The following PTBP3 variants were observed in gnomAD, a reference collection of about 807,000 sequenced individuals.
PTBP3 encodes polypyrimidine tract-binding protein 3.
Under a neutral mutation model 58.7 loss-of-function variants are expected in PTBP3, and 20 were observed. The observed-to-expected ratio is 0.34, with a 90% CI of 0.24 to 0.50. PTBP3 has a LOEUF of 0.50. Ranked by LOEUF, PTBP3 falls within the 20% of genes least tolerant of loss-of-function variation. The pLI, the probability that PTBP3 is intolerant of heterozygous loss-of-function variation, is 0.98. For synonymous variants in PTBP3, 185 were observed against 219.8 expected (o/e 0.84, Z 1.40); for missense variants, 509 against 637.2 (o/e 0.80, Z 2.17).
At chr9:112,314,595 G>A (rs970844129) in intron 1 of PTBP3, among the ~76,000 whole-genome samples, 2 of 152,196 alleles carry the variant, frequency 1.3e-5, no homozygotes, top group East Asian at 1.9e-4. Context: ...CTCAGGAGGC[G>A]GAGGCGGGAG....
intron 5 of PTBP3, among the ~76,000 whole-genome samples, chr9:112,260,404 C>A (rs1589834853): frequency 6.6e-6 from 1 of 152,288 alleles, no homozygotes; most frequent in East Asian, 1.9e-4. Flanking sequence ...TACCTCTAGA[C>A]CCTGTATCTG....
the PTBP3 span, among the ~76,000 whole-genome samples, chr9:112,343,529 C>A: frequency 6.6e-6 from 1 of 152,194 alleles, no homozygotes; most frequent in Non-Finnish European, 1.5e-5. Context: ...GTGGCTCTCA[C>A]CTGTAATCCC....
intron 1 of PTBP3, among the ~76,000 whole-genome samples, chr9:112,300,746 C>T (rs371784980): frequency 8.2e-5 from 12 of 146,988 alleles, no homozygotes; most frequent in African/African-American, 3.0e-4. Flanking sequence ...AGCGAGACTC[C>T]GTCTCAAAGA....
chr9:112,315,269 C>T (rs2132410594), intron 1 of PTBP3, among the ~76,000 whole-genome samples: 1 of 151,330 alleles, frequency 6.6e-6, no homozygotes, highest in South Asian at 2.1e-4. Flanking sequence ...TGATACAAAA[C>T]ATCTTATCTG....
chr9:112,254,513 G>C (rs1045346527), intron 5 of PTBP3, among the ~76,000 whole-genome samples: 8 of 152,100 alleles, frequency 5.3e-5, no homozygotes, highest in African/African-American at 1.9e-4. Flanking sequence ...AACAGATAAA[G>C]AACTCATGCA....
chr9:112,307,393 T>C (rs1278531668), intron 1 of PTBP3, among the ~76,000 whole-genome samples: 1 of 152,124 alleles, frequency 6.6e-6, no homozygotes, highest in East Asian at 1.9e-4. Context: ...GTCGAGGTTC[T>C]GTGAGCTAAG....
chr9:112,308,636 C>T (rs929309482), intron 1 of PTBP3, among the ~76,000 whole-genome samples: 2 of 151,846 alleles, frequency 1.3e-5, no homozygotes, highest in Admixed American at 1.3e-4. Context: ...TGAATGCAGA[C>T]GACCAAAAGA....
chr9:112,338,188 AC>A (rs1830591162), upstream of PTBP3, among the ~76,000 whole-genome samples: 1 of 152,244 alleles, frequency 6.6e-6, no homozygotes, highest in Non-Finnish European at 1.5e-5. Flanking sequence ...GAGGATACAG[AC>A]AACTGTGACT....
chr9:112,330,887 A>C (rs1421889265), intron 1 of PTBP3, among the ~76,000 whole-genome samples: 3 of 152,218 alleles, frequency 2.0e-5, no homozygotes, highest in Admixed American at 2.0e-4. Flanking sequence ...ATTTTACAGA[A>C]ATAGAAGGCA....
rs548843298 is a variant in PTBP3 at position 112,329,397 on chromosome 9, C to T, written c.-52+4073G>A. Reference sequence around the variant, plus strand: ...TACCACTGTTCCCCAGCCTGGGCAACAGGGAGGCTCCGCCTCAAAAAAAAA... The same window carrying T: ...TACCACTGTTCCCCAGCCTGGGCAATAGGGAGGCTCCGCCTCAAAAAAAAA... On this transcript the variant is annotated intron_variant, in intron 1 of 13. Coordinates refer to ENST00000374257, the MANE Select transcript of PTBP3 (RefSeq NM_001163788.4). Among the ~76,000 whole-genome samples, 385 of 126,010 alleles carry T rather than the reference C, an allele frequency of 3.1e-3. 2 individuals carry two copies. Among genetic ancestry groups the T allele is most frequent in the African/African-American group, 0.011 (367 of 32,524 alleles). The allele number at this position is 126,010 out of a possible 152,430, so 82.7% of individuals were successfully genotyped here. A position where few individuals can be genotyped will look rare whatever the true frequency, so the allele number is the denominator to read the frequency against.
chr9:112,301,489 C>T (rs1828935003), intron 1 of PTBP3, among the ~76,000 whole-genome samples: 1 of 151,540 alleles, frequency 6.6e-6, no homozygotes, highest in African/African-American at 2.4e-5. Flanking sequence ...ACTAAACATA[C>T]ACTTAGCAAC....
intron 2 of PTBP3, among the ~76,000 whole-genome samples, chr9:112,287,154 G>A (rs1828159988): frequency 6.7e-6 from 1 of 149,006 alleles, no homozygotes; most frequent in Non-Finnish European, 1.5e-5. Flanking sequence ...AAGTTTCACT[G>A]AACTTCTTGA....
intron 5 of PTBP3, among the ~76,000 whole-genome samples, chr9:112,259,949 A>C (rs765291542): frequency 9.9e-5 from 15 of 151,924 alleles, no homozygotes; most frequent in Non-Finnish European, 2.1e-4. Context: ...ACTTAGATGG[A>C]GTCTTGCTCT....
Position 112,220,349 on chromosome 9 carries a change from T to C in PTBP3, c.*3502A>G, listed in dbSNP as rs1465998802. 7.0e-6 allele frequency: 9 copies of C among 1,285,044 alleles called. No homozygotes were observed. The highest frequency in any genetic ancestry group is 5.4e-5 in the East Asian group (1 of 18,428). 79.6% of individuals were successfully genotyped at this position (1,285,044 alleles called of 1,614,324 possible). On this transcript the variant is annotated 3_prime_UTR_variant, in exon 14 of 14. Transcript: ENST00000374257. ...GGGGAGGTGGAAGCAGGAGAATCAC[T>C]TGAGCCCAGGAGTTGGCGAGACCCC...
chr9:112,371,296 G>T, the PTBP3 span, among the ~76,000 whole-genome samples: 1 of 152,276 alleles, frequency 6.6e-6, no homozygotes, highest in Admixed American at 6.5e-5. Flanking sequence ...TTACTGTCCA[G>T]ATTTCAACAT....
Position 112,277,926 on chromosome 9 carries a change from C to T in PTBP3, c.35-1913G>A, listed in dbSNP as rs868649535. The stretch of plus-strand genomic sequence containing the variant: ...CATAACATAACATAACATAACATAA[C>T]ATAACATAACATAACATAATATAAC... On this transcript the variant is annotated intron_variant, in intron 2 of 13. Transcript: ENST00000374257. Among the ~76,000 whole-genome samples the T allele has an allele frequency of 3.1e-3, 358 of 115,128 alleles. 2 individuals are homozygous for T. Among genetic ancestry groups the T allele is most frequent in the African/African-American group, 9.2e-3 (249 of 26,948 alleles). The allele number at this position is 115,128 out of a possible 152,430, so 75.5% of individuals were successfully genotyped here.
intron 2 of PTBP3, among the ~76,000 whole-genome samples, chr9:112,289,037 G>T (rs143016764): frequency 2.0e-5 from 3 of 152,262 alleles, no homozygotes; most frequent in Non-Finnish European, 4.4e-5. Flanking sequence ...AGCTAAGCAC[G>T]TGCCTATCAG....
chr9:112,227,077 C>T (rs936657939), intron 12 of PTBP3, among the ~76,000 whole-genome samples: 8 of 152,144 alleles, frequency 5.3e-5, no homozygotes, highest in African/African-American at 1.9e-4. Context: ...TATTGGTTAA[C>T]GTAAGAGTCA....
At chr9:112,298,372 T>C (rs1828780891) in intron 1 of PTBP3, among the ~76,000 whole-genome samples, 1 of 152,208 alleles carries the variant, frequency 6.6e-6, no homozygotes, top group Admixed American at 6.5e-5. Flanking sequence ...AATAACTTTT[T>C]ATCCATTAAT....
Sources: allele counts gnomAD v4.1 joint callset (sites outside exome capture counted in the v4.1 genomes callset), GRCh38; gene constraint gnomAD v4.1.1; transcripts MANE v1.5; gene names NCBI Gene and HGNC (gene_info 2026-07-23, HGNC 2026-07-21).